The following RTL9 variants were observed in gnomAD, a reference collection of about 807,000 sequenced individuals.
RTL9 encodes the protein retrotransposon Gag-like protein 9.
RTL9 carries 19 observed loss-of-function variants against 44.7 expected under a neutral mutation model. The observed-to-expected ratio is 0.42, with a 90% CI of 0.30 to 0.62. The LOEUF (loss-of-function observed/expected upper bound fraction) is 0.62, where lower values mean the gene tolerates loss of function less well. Ranked by LOEUF, RTL9 falls within the 20% of genes least tolerant of loss-of-function variation. The pLI is 0.16. For synonymous variants in RTL9, 407 were observed against 398.9 expected (o/e 1.02, Z -0.24); for missense variants, 1,105 against 1,080.6 (o/e 1.02, Z -0.32).
upstream of RTL9, among the ~76,000 whole-genome samples, chrX:110,447,842 C>G (rs2068916675): frequency 9.0e-6 from 1 of 111,598 alleles, no homozygotes; most frequent in Non-Finnish European, 1.9e-5. Context: ...AGGCTTTGCC[C>G]TATCCAAGGC....
intron 1 of RTL9, among the ~76,000 whole-genome samples, chrX:110,444,624 C>A (rs750078098): frequency 2.3e-4 from 26 of 112,422 alleles, no homozygotes; most frequent in African/African-American, 8.4e-4. Context: ...TGTTCTGTTT[C>A]TTAATGATTT....
chrX:110,423,338 AAAAG>A (rs375907548), intron 1 of RTL9, among the ~76,000 whole-genome samples: 174 of 110,471 alleles, frequency 1.6e-3, no homozygotes, highest in African/African-American at 5.4e-3. Flanking sequence ...CAAAAAAAAA[AAAAG>A]AAAAAGAAAA....
At chrX:110,378,266 A>C (rs776457421) in intron 1 of RTL9, among the ~76,000 whole-genome samples, 1 of 111,136 alleles carries the variant, frequency 9.0e-6, no homozygotes, top group African/African-American at 3.3e-5. Context: ...TTATTTTAAT[A>C]GATGTTTATT....
chrX:110,433,189 C>T (rs989008237), intron 1 of RTL9, among the ~76,000 whole-genome samples: 3 of 112,517 alleles, frequency 2.7e-5, no homozygotes, highest in African/African-American at 6.5e-5. Context: ...CCGAGCCTGA[C>T]GTCACATAGT....
upstream of RTL9, among the ~76,000 whole-genome samples, chrX:110,416,723 C>T (rs976675934): frequency 5.3e-5 from 6 of 112,281 alleles, no homozygotes; most frequent in African/African-American, 1.9e-4. Flanking sequence ...GCCATACGCT[C>T]TGCTTCTAAG....
chrX:110,379,681 C>T (rs1477618354), intron 1 of RTL9, among the ~76,000 whole-genome samples: 1 of 112,188 alleles, frequency 8.9e-6, no homozygotes, highest in Non-Finnish European at 1.9e-5. Context: ...TGTAAACATA[C>T]TCCTGAAGGA....
At chrX:110,378,651 C>A (rs1204095231) in intron 1 of RTL9, among the ~76,000 whole-genome samples, 1 of 112,217 alleles carries the variant, frequency 8.9e-6, no homozygotes, top group African/African-American at 3.2e-5. Flanking sequence ...TACTTTCCAG[C>A]ATCAGTGTTT....
intron 1 of RTL9, among the ~76,000 whole-genome samples, chrX:110,405,885 C>G (rs942541355): frequency 9.0e-6 from 1 of 111,529 alleles, no homozygotes; most frequent in Non-Finnish European, 1.9e-5. Flanking sequence ...CAAACAGTCT[C>G]TTTAATAAGC....
chrX:110,417,828 T>C (rs147028735), upstream of RTL9, among the ~76,000 whole-genome samples: 1,138 of 112,428 alleles, frequency 0.01, 26 homozygotes, highest in Admixed American at 0.073. Context: ...TTGAGGCTGA[T>C]GTTGTTATCC....
chrX:110,362,369 C>T (rs1292147215), intron 1 of RTL9, among the ~76,000 whole-genome samples: 1 of 111,897 alleles, frequency 8.9e-6, no homozygotes, highest in East Asian at 2.8e-4. Context: ...CTATTTAACC[C>T]TCCTGACTCA....
intron 1 of RTL9, among the ~76,000 whole-genome samples, chrX:110,436,626 C>A (rs2068840749): frequency 8.9e-6 from 1 of 111,923 alleles, no homozygotes; most frequent in South Asian, 3.8e-4. Flanking sequence ...GGCATGCCTG[C>A]ACAGAAAGCT....
chrX:110,442,247 C>CTCTCTCTCTCTG (rs1556214261), intron 1 of RTL9, among the ~76,000 whole-genome samples: 4 of 97,043 alleles, frequency 4.1e-5, no homozygotes, highest in Admixed American at 1.1e-4. Flanking sequence ...CTCTCTCTCT[C>CTCTCTCTCTCTG]TGTGTGTGTG....
At chrX:110,384,553 A>C (rs2068441797) in intron 1 of RTL9, among the ~76,000 whole-genome samples, 1 of 111,881 alleles carries the variant, frequency 8.9e-6, no homozygotes, top group Admixed American at 9.5e-5. Context: ...CTTTTACTTG[A>C]ATGAATGAAC....
chrX:110,456,041 C>T (rs2068978760), exon 2 of RTL9: 2 of 112,022 alleles, frequency 1.8e-5, no homozygotes, highest in South Asian at 3.8e-4. Context: ...TTTGTCTTGT[C>T]CCTCAGTGGG....
At chrX:110,411,382 T>C (rs2068640706) in intron 1 of RTL9, among the ~76,000 whole-genome samples, 1 of 111,860 alleles carries the variant, frequency 8.9e-6, no homozygotes, top group Non-Finnish European at 1.9e-5. Flanking sequence ...ATTTAATACA[T>C]GGTGCCATTT....
intron 1 of RTL9, among the ~76,000 whole-genome samples, chrX:110,413,335 T>C (rs773963360): frequency 1.5e-4 from 17 of 111,563 alleles, no homozygotes; most frequent in Non-Finnish European, 2.3e-4. Context: ...TAGTGGACAC[T>C]GTCCACACTC....
chrX:110,381,675 G>T (rs2068420340), intron 1 of RTL9, among the ~76,000 whole-genome samples: 1 of 111,448 alleles, frequency 9.0e-6, no homozygotes, highest in Non-Finnish European at 1.9e-5. Context: ...ATCAACATAG[G>T]TGCCCATTGA....
intron 1 of RTL9, among the ~76,000 whole-genome samples, chrX:110,371,477 A>C (rs1281334639): frequency 9.0e-6 from 1 of 111,400 alleles, no homozygotes; most frequent in East Asian, 2.8e-4. Context: ...GCTATCAAAT[A>C]GCAGATCTTA....
At chrX:110,412,396 A>T (rs1482307507) in intron 1 of RTL9, among the ~76,000 whole-genome samples, 2 of 112,427 alleles carry the variant, frequency 1.8e-5, no homozygotes, top group Non-Finnish European at 3.8e-5. Flanking sequence ...TTTATAATAC[A>T]TCCCAATAAT....
Sources: gnomAD v4.1 joint callset for allele counts (sites outside exome capture counted in the v4.1 genomes callset) on GRCh38, gnomAD v4.1.1 for gene constraint, MANE v1.5 for transcripts, NCBI Gene and HGNC (gene_info 2026-07-23, HGNC 2026-07-21) for gene names.